XPO1: variants seen among roughly 807,000 people sequenced by gnomAD.
XPO1 encodes the protein exportin 1.
A neutral mutation model predicts 133.3 loss-of-function variants in XPO1; 5 were observed. The ratio of observed to expected loss-of-function variants is 0.04; its 90% CI spans 0.02 to 0.08. The LOEUF (loss-of-function observed/expected upper bound fraction) is 0.08, where lower values mean the gene tolerates loss of function less well. Among genes scored for constraint, XPO1 ranks in the 10% least tolerant of loss-of-function variants. The probability of loss-of-function intolerance (pLI) is 1.00; values close to 1 mark genes in which losing one functional copy is unlikely to be tolerated. For missense variants in XPO1, 506 were observed against 1,267.5 expected (o/e 0.40, Z 9.12); for synonymous variants, 419 against 408.2 (o/e 1.03, Z -0.32).
chr2:61,526,816 T>C (rs1573218801), intron 2 of XPO1, among the ~76,000 whole-genome samples: 1 of 151,662 alleles, frequency 6.6e-6, no homozygotes, highest in Non-Finnish European at 1.5e-5. Context: ...CAAGCGATTC[T>C]CCCGCCTCAG....
At chr2:61,525,275 G>T in intron 3 of XPO1, 1 of 985,654 alleles carries the variant, frequency 1.0e-6, no homozygotes. Flanking sequence ...TAGACCTTGT[G>T]GAGGCCTGCC....
intron 4 of XPO1, among the ~76,000 whole-genome samples, chr2:61,512,418 C>G (rs933766239): frequency 6.6e-6 from 1 of 152,130 alleles, no homozygotes; most frequent in Non-Finnish European, 1.5e-5. Context: ...ACCACACATA[C>G]AGGGAAAAGC....
chr2:61,511,039 CT>C (rs1161276010), intron 4 of XPO1, among the ~76,000 whole-genome samples: 1 of 150,954 alleles, frequency 6.6e-6, no homozygotes, highest in Non-Finnish European at 1.5e-5. Context: ...AATCAAAATA[CT>C]TGGAATGGGG....
chr2:61,525,767 CAG>C (rs1698883188), intron 3 of XPO1: 1 of 1,031,426 alleles, frequency 9.7e-7, no homozygotes. Flanking sequence ...GTTTCAGAAA[CAG>C]ATGTGAATAT....
Position 61,488,679 on chromosome 2 carries a change from G to C in XPO1, c.2115C>G (p.Pro705=), listed in dbSNP as rs1444925422. The change falls in exon 18 of 25, where the codon CCC becomes CCG. Residue 705 remains proline, a synonymous_variant. Coordinates refer to ENST00000401558, the MANE Select transcript of XPO1 (RefSeq NM_003400.4). ...AAATTCTTCCAAGCTGAATTACAAA[G>C]GGGTGTCCAACAGCTTTGCAGGCTC... ...NVRACKAVGH[P]FVIQLGRIYL... 5.6e-6 allele frequency: 9 copies of C among 1,614,160 alleles called. No individual in the cohort carries two copies. Among genetic ancestry groups the C allele is most frequent in the Non-Finnish European group, 7.6e-6 (9 of 1,179,996 alleles).
chr2:61,535,618 G>A (rs1184683470), intron 1 of XPO1, among the ~76,000 whole-genome samples: 2 of 152,142 alleles, frequency 1.3e-5, no homozygotes, highest in Non-Finnish European at 2.9e-5. Flanking sequence ...TGTTACAACA[G>A]ATTAGAACTC....
intron 2 of XPO1, among the ~76,000 whole-genome samples, chr2:61,533,418 A>T (rs1053095681): frequency 1.3e-5 from 2 of 152,230 alleles, no homozygotes; most frequent in Non-Finnish European, 2.9e-5. Flanking sequence ...TTATTTAAAC[A>T]AACATATCTG....
intron 24 of XPO1, 47 bp from the exon 25 acceptor site, chr2:61,479,013 G>A: frequency 1.9e-6 from 3 of 1,584,452 alleles, no homozygotes; most frequent in Non-Finnish European, 1.7e-6. Context: ...ACTTCAACTT[G>A]CAAAGAAAGA....
intron 12 of XPO1, chr2:61,493,594 C>T (rs750881944): frequency 3.4e-5 from 9 of 267,810 alleles, no homozygotes; most frequent in Non-Finnish European, 5.6e-5. Context: ...TTTTAACCAA[C>T]TTCTGTTACA....
chr2:61,514,589 T>C (rs1191035035), intron 4 of XPO1, among the ~76,000 whole-genome samples: 1 of 133,496 alleles, frequency 7.5e-6, no homozygotes, highest in Non-Finnish European at 1.6e-5. Context: ...CAAGACTCTG[T>C]CTTTAAAAAA....
rs1696336929 is a variant in XPO1, at chr2:61,481,300, T to TG, written c.2973-20dup. ...TTGAGCACTGCAAATCAAAACACAA[T>TG]GATTAAATAATGATTTATTTTTCCC... On this transcript the variant is annotated intron_variant, in intron 23 of 24. Transcript: ENST00000401558. 5.1e-6 allele frequency: 8 copies of TG among 1,575,732 alleles called. No homozygotes were observed. Among genetic ancestry groups the TG allele is most frequent in the Non-Finnish European group, 6.1e-6 (7 of 1,153,540 alleles).
Position 61,484,118 on chromosome 2 carries a change from G to C in XPO1, c.2509-13C>G. ...ATTCTTCAAAGTCCTAAAAATAAGT[G>C]GTGGAAACAAAATAATGTTTCAGTG... On this transcript the variant is annotated splice_polypyrimidine_tract_variant and intron_variant, in intron 20 of 24. Coordinates refer to ENST00000401558, the MANE Select transcript of XPO1 (RefSeq NM_003400.4). 6.2e-7 allele frequency: 1 copy of C among 1,605,736 alleles called. No homozygotes were observed. Among genetic ancestry groups the C allele is most frequent in the Non-Finnish European group, 8.5e-7 (1 of 1,173,660 alleles).
chr2:61,492,230 C>T lies in XPO1; in HGVS notation c.1724-32G>A. The T allele has an allele frequency of 7.5e-6, 12 of 1,609,650 alleles. No homozygotes were observed. Among genetic ancestry groups the T allele is most frequent in the Non-Finnish European group, 1.0e-5 (12 of 1,178,010 alleles). On this transcript the variant is annotated intron_variant, in intron 15 of 24. Transcript: ENST00000401558. This position sits in a 1 kb window ranked among gnomAD's most constrained non-coding sequence, Gnocchi z 5.6. ...AGACAAAAATATTCATTTATTTTGTCCTGGACTCCATCATGGGTCTCTAAC... is the reference window on the plus strand; with the variant it reads ...AGACAAAAATATTCATTTATTTTGTTCTGGACTCCATCATGGGTCTCTAAC...
rs1697566401 is a variant in XPO1 at position 61,502,254 on chromosome 2, C to T, written c.358G>A (p.Val120Ile). The change falls in exon 5 of 25, where the codon GTA becomes ATA. Residue 120 changes from valine to isoleucine, a missense_variant. Physicochemically the swap from Val to Ile is conservative, Grantham distance 29. This residue lies in a region of XPO1 where 68 missense variants were observed against 210.5 expected (regional missense o/e 0.32). Coordinates refer to ENST00000401558, the MANE Select transcript of XPO1 (RefSeq NM_003400.4). Reference sequence around the variant, plus strand: ...GCTCCAAAATAAACTCTTACCTCTACACAAGTTGGGTCAGATGACGTCTTG... The same window carrying T: ...GCTCCAAAATAAACTCTTACCTCTATACAAGTTGGGTCAGATGACGTCTTG... ...IIKTSSDPTCVEKEKVYIGKL... is the reference protein window; with the variant it reads ...IIKTSSDPTCIEKEKVYIGKL... The T allele has an allele frequency of 2.5e-6, 4 of 1,613,072 alleles. No individual in the cohort carries two copies. Among genetic ancestry groups the T allele is most frequent in the Middle Eastern group, 1.7e-4 (1 of 6,050 alleles).
chr2:61,536,418 A>C (rs1329331084), intron 1 of XPO1: 1 of 152,210 alleles, frequency 6.6e-6, no homozygotes, highest in Non-Finnish European at 1.5e-5. Context: ...AAATCCACTC[A>C]CTGGATAACA....
intron 4 of XPO1, among the ~76,000 whole-genome samples, chr2:61,507,938 G>A (rs1697908182): frequency 1.3e-5 from 2 of 152,150 alleles, no homozygotes; most frequent in African/African-American, 2.4e-5. Flanking sequence ...CATTGAAGTT[G>A]TGTGTCTTTG....
At chr2:61,481,494 C>T (rs1392625285) in intron 23 of XPO1, among the ~76,000 whole-genome samples, 2 of 151,574 alleles carry the variant, frequency 1.3e-5, no homozygotes, top group African/African-American at 2.4e-5. Flanking sequence ...AAGTTTTGCT[C>T]GTTTACCAGG....
intron 16 of XPO1, among the ~76,000 whole-genome samples, chr2:61,491,496 A>ACACC (rs1491477036): frequency 9.5e-5 from 14 of 147,250 alleles, no homozygotes; most frequent in African/African-American, 2.6e-4. Flanking sequence ...ACACACACAC[A>ACACC]CCCCAAAACA....
intron 9 of XPO1, among the ~76,000 whole-genome samples, chr2:61,497,522 C>G (rs1397408371): frequency 6.6e-6 from 1 of 152,138 alleles, no homozygotes; most frequent in Non-Finnish European, 1.5e-5. Context: ...AAACTGCTTT[C>G]TTTTGATGTG....
Sources: allele counts gnomAD v4.1 joint callset (sites outside exome capture counted in the v4.1 genomes callset), GRCh38; gene constraint gnomAD v4.1.1; regional missense constraint gnomAD v4.1.1; non-coding constraint Gnocchi (gnomAD v3.1); transcripts MANE v1.5; gene names NCBI Gene and HGNC (gene_info 2026-07-23, HGNC 2026-07-21).